IGF2BP1: variants seen among roughly 807,000 people sequenced by gnomAD.
IGF2BP1 encodes insulin-like growth factor 2 mRNA-binding protein 1.
Under a neutral mutation model 74.9 loss-of-function variants are expected in IGF2BP1, and 11 were observed. That is an observed-to-expected ratio of 0.15 (90% confidence interval 0.09 to 0.24). The LOEUF is 0.24. IGF2BP1 is among the 10% of genes least tolerant of loss of function. The pLI is 1.00. For synonymous variants in IGF2BP1, 287 were observed against 281.8 expected (o/e 1.02, Z -0.18); for missense variants, 440 against 757.4 (o/e 0.58, Z 4.92).
intron 11 of IGF2BP1, among the ~76,000 whole-genome samples, chr17:49,044,590 C>T (rs999673321): frequency 2.6e-5 from 4 of 152,342 alleles, no homozygotes; most frequent in South Asian, 4.1e-4. Flanking sequence ...AACCTAAATC[C>T]GGTTGCTTTA....
In IGF2BP1 at chr17:49,039,949, GC is replaced by G. The variant is rs2042032265; in HGVS notation, c.684-3del. 2 of 1,611,988 alleles carry G rather than the reference GC, an allele frequency of 1.2e-6. No homozygotes were observed. Among genetic ancestry groups the G allele is most frequent in the East Asian group, 2.2e-5 (1 of 44,866 alleles). On this transcript the variant is annotated splice_polypyrimidine_tract_variant and splice_region_variant and intron_variant, in intron 6 of 14. Transcript: ENST00000290341. ...ACAACTAACCAGCCTTGTCCTTGTG[GC>G]CCCCAGGATAGACGTGCATAGGAAG...
intron 2 of IGF2BP1, among the ~76,000 whole-genome samples, chr17:49,014,556 G>A (rs143853874): frequency 7.2e-5 from 11 of 152,106 alleles, no homozygotes; most frequent in South Asian, 4.2e-4. Context: ...GGGCACTTGA[G>A]GGGGGGAGGA....
chr17:49,032,735 G>A (rs992410372), intron 5 of IGF2BP1, among the ~76,000 whole-genome samples: 5 of 151,950 alleles, frequency 3.3e-5, no homozygotes, highest in Non-Finnish European at 5.9e-5. Flanking sequence ...TTTTCTAGAG[G>A]TTCCTACTGC....
Position 49,049,595 on chromosome 17 carries a change from C to T in IGF2BP1, c.*151C>T. Reference sequence around the variant, plus strand: ...GCCCACTTGATTGAGAAAGATGTTCCAGTGAGGAACCCTGATCTCTCAGCC... The same window carrying T: ...GCCCACTTGATTGAGAAAGATGTTCTAGTGAGGAACCCTGATCTCTCAGCC... On this transcript the variant is annotated 3_prime_UTR_variant, in exon 15 of 15. Coordinates refer to ENST00000290341, the MANE Select transcript of IGF2BP1 (RefSeq NM_006546.4). The T allele has an allele frequency of 1.6e-6, 1 of 632,760 alleles. No homozygotes were observed. The highest frequency in any genetic ancestry group is 2.8e-6 in the Non-Finnish European group (1 of 358,828). The allele number at this position is 632,760 out of a possible 1,614,324, so 39.2% of individuals were successfully genotyped here. A position where few individuals can be genotyped will look rare whatever the true frequency, so the allele number is the denominator to read the frequency against.
chr17:49,016,418 C>CGTGT (rs59845226), intron 2 of IGF2BP1, among the ~76,000 whole-genome samples: 15 of 150,952 alleles, frequency 9.9e-5, no homozygotes, highest in South Asian at 6.3e-4. Flanking sequence ...TGCGTGCGCA[C>CGTGT]GTGTGTGTGT....
intron 2 of IGF2BP1, among the ~76,000 whole-genome samples, chr17:48,999,963 T>TG (rs2041467031): frequency 4.4e-5 from 6 of 137,908 alleles, no homozygotes; most frequent in East Asian, 2.1e-4. Flanking sequence ...TGTGTGTGTG[T>TG]TCGTGTGTGT....
chr17:48,998,257 G>T (rs2041433596), intron 1 of IGF2BP1, among the ~76,000 whole-genome samples: 1 of 152,146 alleles, frequency 6.6e-6, no homozygotes, highest in Non-Finnish European at 1.5e-5. Flanking sequence ...CCCTGGCTGG[G>T]CGTTATTTCC....
Position 49,045,046 on chromosome 17 carries a change from C to T in IGF2BP1, c.1376C>T (p.Pro459Leu), listed in dbSNP as rs751061699. Residue 459 changes from proline (P) to leucine (L), a missense_variant, in exon 12 of 15, where the codon CCG becomes CTG. Transcript: ENST00000290341. ...GTTCGTATGGTTATCATCACTGGAC[C>T]GCCAGAGGCCCAATTCAAGGTTTTG... ...SKVRMVIITG[P>L]PEAQFKAQGR... 17 of 1,613,966 alleles carry T rather than the reference C, an allele frequency of 1.1e-5. No homozygotes were observed. The East Asian group carries it at 1.6e-4, about 15-fold the overall frequency.
rs556982185 is a variant in IGF2BP1, at chr17:49,000,964, C to G, written c.236+1795C>G. On this transcript the variant is annotated intron_variant, in intron 2 of 14. Transcript: ENST00000290341. The stretch of plus-strand genomic sequence containing the variant: ...GTAAAAAAAAAAAATCTGTCCACAC[C>G]CATATTAAATTAGATCTTTTATGTG... 8.8e-5 allele frequency among the ~76,000 whole-genome samples: 13 copies of G among 147,778 alleles called. 1 individual carries two copies. The Admixed American group carries it at 8.8e-4, about 10-fold the overall frequency.
intron 6 of IGF2BP1, 57 bp downstream of exon 6, chr17:49,038,506 C>G (rs2042013450): frequency 1.4e-6 from 2 of 1,396,926 alleles, no homozygotes; most frequent in East Asian, 5.5e-5. Context: ...TGGTTGGTAC[C>G]TAAAGAGGCC....
Position 49,055,351 on chromosome 17 carries a change from C to A in IGF2BP1, c.*5907C>A. On this transcript the variant is annotated 3_prime_UTR_variant, in exon 15 of 15. Transcript: ENST00000290341. ...CTGCCCCTGGCCTGTCTCACCCCAT[C>A]CCCCACCCTATTCCTGCCAGTGAGT... is the stretch of plus-strand genomic sequence containing the variant. The A allele has an allele frequency of 3.2e-6, 1 of 312,166 alleles. No individual in the cohort carries two copies. 19.3% of individuals were successfully genotyped at this position (312,166 alleles called of 1,614,324 possible).
In IGF2BP1 at chr17:49,016,342, G is replaced by T. The variant is rs2041701621; in HGVS notation, c.237-9276G>T. On this transcript the variant is annotated intron_variant, in intron 2 of 14. Coordinates refer to ENST00000290341, the MANE Select transcript of IGF2BP1 (RefSeq NM_006546.4). ...TTACCCCTTTCCTTTCTGCCTCAAT[G>T]TATGAATCTGATGTTTTTCAACTGG... Among the ~76,000 whole-genome samples, 4 of 152,182 alleles carry T rather than the reference G, an allele frequency of 2.6e-5. No individual in the cohort carries two copies. The South Asian group carries it at 8.3e-4, about 32-fold the overall frequency.
chr17:49,055,832 G>A lies in IGF2BP1; in HGVS notation c.*6388G>A, dbSNP rs568915867. ...GAAGAGCTGGAGGCCTACTGCTTGG[G>A]ACAGTTTTTTTTTTTTTTTTTTTTT... On this transcript the variant is annotated 3_prime_UTR_variant, in exon 15 of 15. Transcript: ENST00000290341. Among the ~76,000 whole-genome samples the A allele has an allele frequency of 2.2e-5, 3 of 133,648 alleles. No homozygotes were observed. In the East Asian group the frequency reaches 6.1e-4, roughly 27 times the overall value. 87.7% of individuals were successfully genotyped at this position (133,648 alleles called of 152,430 possible).
chr17:49,026,428 C>T, intron 3 of IGF2BP1, 38 bp from the exon 4 acceptor site: 1 of 1,601,304 alleles, frequency 6.2e-7, no homozygotes. Context: ...GGTCTTGGGA[C>T]TCAGAGTTAA....
chr17:49,034,764 A>C (rs865915530), intron 5 of IGF2BP1, among the ~76,000 whole-genome samples: 4 of 143,646 alleles, frequency 2.8e-5, no homozygotes, highest in Admixed American at 6.8e-5. Context: ...AACAAAAAAA[A>C]CAAAAAAAAC....
At chr17:49,043,621 G>A (rs773284383) in intron 10 of IGF2BP1, 71 bp downstream of exon 10, 8 of 1,556,324 alleles carry the variant, frequency 5.1e-6, no homozygotes, top group East Asian at 4.5e-5. Flanking sequence ...GACTCAGCAT[G>A]CTCTGGGAGT....
chr17:49,004,723 A>G (rs1198982050), intron 2 of IGF2BP1: 1 of 152,248 alleles, frequency 6.6e-6, no homozygotes. Context: ...GGTCTCAGCC[A>G]GTCTTCGACT....
intron 9 of IGF2BP1, 87 bp downstream of exon 9, chr17:49,042,464 C>T (rs2042062725): frequency 4.8e-6 from 7 of 1,462,230 alleles, no homozygotes; most frequent in African/African-American, 1.4e-5. Flanking sequence ...GACATGTGCC[C>T]TGTGCCGTGT....
At chr17:49,032,254 G>A (rs2041931429) in intron 5 of IGF2BP1, among the ~76,000 whole-genome samples, 1 of 152,160 alleles carries the variant, frequency 6.6e-6, no homozygotes, top group Admixed American at 6.5e-5. Flanking sequence ...CAGATAAGTG[G>A]GAAATCCCTT....
Sources: allele counts gnomAD v4.1 joint callset (sites outside exome capture counted in the v4.1 genomes callset), GRCh38; gene constraint gnomAD v4.1.1; transcripts MANE v1.5; gene names NCBI Gene and HGNC (gene_info 2026-07-23, HGNC 2026-07-21).